ENOX1: variants seen among roughly 807,000 people sequenced by gnomAD.
The protein encoded by ENOX1 is ecto-NOX disulfide-thiol exchanger 1.
In ENOX1, 42 loss-of-function variants were observed where a neutral mutation model predicts 82.5. That is an observed-to-expected ratio of 0.51 (90% CI 0.40 to 0.66). ENOX1 has a LOEUF of 0.66. Ranked by LOEUF, ENOX1 falls within the 30% of genes least tolerant of loss-of-function variation. The probability of loss-of-function intolerance (pLI) is 0.00; values close to 1 mark genes in which losing one functional copy is unlikely to be tolerated. For missense variants in ENOX1, 608 were observed against 811.6 expected, an observed-to-expected ratio of 0.75 and a Z score of 3.05; for synonymous variants, 271 against 282.2, an observed-to-expected ratio of 0.96 and a Z score of 0.40.
chr13:43,759,698 A>T (rs1950853798), intron 1 of ENOX1, among the ~76,000 whole-genome samples: 1 of 152,194 alleles, frequency 6.6e-6, no homozygotes, highest in Admixed American at 6.5e-5. Context: ...CAAAGGTATG[A>T]CTTTTTTTCA....
chr13:43,740,998 C>A (rs756770941), intron 1 of ENOX1, among the ~76,000 whole-genome samples: 1 of 151,676 alleles, frequency 6.6e-6, no homozygotes, highest in Non-Finnish European at 1.5e-5. Flanking sequence ...GGGTAAATAT[C>A]TAGGAGAAGA....
intron 5 of ENOX1, among the ~76,000 whole-genome samples, chr13:43,371,481 T>C (rs1375905719): frequency 3.3e-5 from 5 of 152,202 alleles, no homozygotes; most frequent in Non-Finnish European, 5.9e-5. Context: ...ATAGTCAGTA[T>C]TTATAACAGC....
At chr13:43,620,447 T>C (rs1176678394) in intron 2 of ENOX1, among the ~76,000 whole-genome samples, 2 of 152,096 alleles carry the variant, frequency 1.3e-5, no homozygotes, top group South Asian at 2.1e-4. Flanking sequence ...GGTTGTGTCA[T>C]TACTGTCGTT....
chr13:43,703,875 A>G (rs941283985), intron 1 of ENOX1, among the ~76,000 whole-genome samples: 3 of 152,056 alleles, frequency 2.0e-5, no homozygotes, highest in African/African-American at 7.2e-5. Flanking sequence ...TTTTTAAAAA[A>G]CAGCTTTTTG....
At chr13:43,329,655 G>GT (rs1446513285) in intron 9 of ENOX1, among the ~76,000 whole-genome samples, 1 of 152,086 alleles carries the variant, frequency 6.6e-6, no homozygotes, top group Non-Finnish European at 1.5e-5. Flanking sequence ...TTAATTAGAT[G>GT]TAAAACTAAG....
At chr13:43,468,251 G>A (rs1032449297) in intron 3 of ENOX1, among the ~76,000 whole-genome samples, 4 of 150,518 alleles carry the variant, frequency 2.7e-5, no homozygotes, top group African/African-American at 4.9e-5. Flanking sequence ...GTGTGATCTC[G>A]GCTCACTGCA....
intron 2 of ENOX1, among the ~76,000 whole-genome samples, chr13:43,652,960 A>G (rs1292313297): frequency 6.6e-6 from 1 of 152,214 alleles, no homozygotes; most frequent in Non-Finnish European, 1.5e-5. Flanking sequence ...GTCATGGCAA[A>G]GTCAAGGATG....
intron 2 of ENOX1, among the ~76,000 whole-genome samples, chr13:43,594,134 G>T (rs2081362078): frequency 6.6e-6 from 1 of 152,200 alleles, no homozygotes; most frequent in African/African-American, 2.4e-5. Flanking sequence ...TACTAGCAAG[G>T]AAGGAGAAGT....
chr13:43,710,469 G>T (rs958146954), intron 1 of ENOX1, among the ~76,000 whole-genome samples: 12 of 152,068 alleles, frequency 7.9e-5, no homozygotes, highest in Non-Finnish European at 1.5e-4. Context: ...ATAAGGTAAA[G>T]GTTATATAGC....
At chr13:43,735,755 A>C (rs549963199) in intron 1 of ENOX1, among the ~76,000 whole-genome samples, 1 of 152,300 alleles carries the variant, frequency 6.6e-6, no homozygotes, top group East Asian at 1.9e-4. Flanking sequence ...CAAAAATAAA[A>C]TGTGAGAGAT....
At chr13:43,445,432 G>C (rs531831934) in intron 3 of ENOX1, among the ~76,000 whole-genome samples, 78 of 151,352 alleles carry the variant, frequency 5.2e-4, no homozygotes, top group African/African-American at 1.7e-3. Flanking sequence ...CCACTTTCTG[G>C]GTCTTATACA....
intron 2 of ENOX1, among the ~76,000 whole-genome samples, chr13:43,654,965 T>C (rs556959658): frequency 8.5e-5 from 13 of 152,324 alleles, no homozygotes; most frequent in African/African-American, 3.1e-4. Flanking sequence ...TTTCTTTTTG[T>C]TCCTTGGCCT....
chr13:43,636,237 A>G (rs2083409471), intron 2 of ENOX1, among the ~76,000 whole-genome samples: 1 of 152,228 alleles, frequency 6.6e-6, no homozygotes, highest in East Asian at 1.9e-4. Flanking sequence ...AGCAAATACT[A>G]TAAAAGGGCC....
intron 3 of ENOX1, among the ~76,000 whole-genome samples, chr13:43,428,841 C>A (rs2055486188): frequency 6.6e-6 from 1 of 152,096 alleles, no homozygotes; most frequent in Non-Finnish European, 1.5e-5. Context: ...GCTGGATAAA[C>A]CAGAAAACCC....
At chr13:43,511,645 G>C (rs917443922) in intron 2 of ENOX1, among the ~76,000 whole-genome samples, 9 of 152,092 alleles carry the variant, frequency 5.9e-5, no homozygotes, top group African/African-American at 2.2e-4. Flanking sequence ...GTTTGCCAAA[G>C]TAATTCTAAA....
chr13:43,610,753 T>G (rs983330926), intron 2 of ENOX1, among the ~76,000 whole-genome samples: 9 of 10,592 alleles, frequency 8.5e-4, no homozygotes, highest in African/African-American at 3.0e-3. Flanking sequence ...CCCATAGTTT[T>G]TTTTTTTTTT....
At chr13:43,668,973 G>T (rs1285671563) in intron 1 of ENOX1, among the ~76,000 whole-genome samples, 6 of 152,166 alleles carry the variant, frequency 3.9e-5, no homozygotes, top group Non-Finnish European at 7.3e-5. Flanking sequence ...GTATGCATGA[G>T]CTATAAATGT....
intron 2 of ENOX1, among the ~76,000 whole-genome samples, chr13:43,583,208 T>G (rs1295520033): frequency 6.6e-6 from 1 of 152,124 alleles, no homozygotes; most frequent in Non-Finnish European, 1.5e-5. Context: ...AAAAAGAAAA[T>G]TATGGAGCAA....
chr13:43,247,103 CT>C (rs1469034525), intron 14 of ENOX1, among the ~76,000 whole-genome samples: 1 of 152,146 alleles, frequency 6.6e-6, no homozygotes, highest in Non-Finnish European at 1.5e-5. Flanking sequence ...AAGTGGATCA[CT>C]TGATGTCAGG....
Sources: gnomAD v4.1 joint callset for allele counts (sites outside exome capture counted in the v4.1 genomes callset) on GRCh38, gnomAD v4.1.1 for gene constraint, MANE v1.5 for transcripts, NCBI Gene and HGNC (gene_info 2026-07-23, HGNC 2026-07-21) for gene names.